Variants in COL5A1 observed in about 807,000 individuals in gnomAD.
The protein encoded by COL5A1 is collagen alpha-1(V) chain.
COL5A1 carries 16 observed loss-of-function variants against 263.7 expected under a neutral mutation model. The observed-to-expected ratio is 0.06, with a 90% CI of 0.04 to 0.09. COL5A1 has a LOEUF of 0.09. Among genes scored for constraint, COL5A1 ranks in the 10% least tolerant of loss-of-function variants. The pLI, the probability that COL5A1 is intolerant of heterozygous loss-of-function variation, is 1.00. For synonymous variants in COL5A1, 1,012 were observed against 1,004.5 expected (o/e 1.01, Z -0.14); for missense variants, 2,036 against 2,540.5 (o/e 0.80, Z 4.27).
intron 37 of COL5A1, 68 bp from the exon 38 acceptor site, chr9:134,801,886 A>C: frequency 1.4e-6 from 2 of 1,436,042 alleles, no homozygotes; most frequent in South Asian, 2.3e-5. Context: ...CGTCCTGCTG[A>C]GAACAGTGCA....
intron 37 of COL5A1, among the ~76,000 whole-genome samples, chr9:134,800,871 C>T (rs974707099): frequency 6.6e-6 from 1 of 152,204 alleles, no homozygotes; most frequent in South Asian, 2.1e-4. Context: ...GGCCTGAGGC[C>T]GCTCACCCTC....
intron 31 of COL5A1, among the ~76,000 whole-genome samples, chr9:134,786,741 T>G (rs1175527913): frequency 1.3e-5 from 2 of 152,238 alleles, no homozygotes; most frequent in African/African-American, 2.4e-5. Context: ...TCATGGTTCT[T>G]CCTTAAAGAA....
rs1285148631 is a variant in COL5A1, at chr9:134,755,671, T to G, written c.1828-1094T>G. Among the ~76,000 whole-genome samples, 8 of 152,266 alleles carry G rather than the reference T, an allele frequency of 5.3e-5. No homozygotes were observed. Among genetic ancestry groups the G allele is most frequent in the Non-Finnish European group, 1.2e-4 (8 of 68,046 alleles). On this transcript the variant is annotated intron_variant, in intron 16 of 65. Coordinates refer to ENST00000371817, the MANE Select transcript of COL5A1 (RefSeq NM_000093.5). This position sits in a 1 kb window ranked among gnomAD's most constrained non-coding sequence, Gnocchi z 4.1. ...AGTTTTCCGACAATCTTCCCTTGGTTTCTAAAAGTGTTTGGAAATCTAGAA... is the reference window on the plus strand; with the variant it reads ...AGTTTTCCGACAATCTTCCCTTGGTGTCTAAAAGTGTTTGGAAATCTAGAA...
chr9:134,649,466 G>A (rs778053179), intron 1 of COL5A1: 2 of 469,878 alleles, frequency 4.3e-6, no homozygotes, highest in South Asian at 3.1e-5. Context: ...CCCATGAAAT[G>A]GAAGCTTCCT....
At chr9:134,838,540 C>T (rs1839919998) in intron 65 of COL5A1, among the ~76,000 whole-genome samples, 1 of 152,170 alleles carries the variant, frequency 6.6e-6, no homozygotes, top group African/African-American at 2.4e-5. Context: ...TGGTTAGCCG[C>T]CCAGTGCTGC....
intron 44 of COL5A1, 113 bp downstream of exon 44, chr9:134,810,421 G>GAC (rs1368841712): frequency 1.9e-6 from 2 of 1,032,362 alleles, no homozygotes; most frequent in Non-Finnish European, 3.0e-6. Flanking sequence ...TGACTAGCGG[G>GAC]ACATGCTGTG....
chr9:134,733,440 C>G (rs1487782190), intron 9 of COL5A1, among the ~76,000 whole-genome samples: 1 of 152,212 alleles, frequency 6.6e-6, no homozygotes. Context: ...AGGCCCAACC[C>G]AGGGGTGGGA....
chr9:134,644,908 A>G (rs1831425993), intron 1 of COL5A1, among the ~76,000 whole-genome samples: 1 of 152,158 alleles, frequency 6.6e-6, no homozygotes, highest in South Asian at 2.1e-4. Context: ...GACAGGTATC[A>G]AATGGTTAAA....
At chr9:134,714,621 AGGTGGTGGTGGAGGTGAT>A (rs1478956220) in intron 4 of COL5A1, among the ~76,000 whole-genome samples, 11 of 112,334 alleles carry the variant, frequency 9.8e-5, no homozygotes, top group Admixed American at 3.6e-4. Flanking sequence ...ATGCTGATGA[AGGTGGTGGTGGAGGTGAT>A]GGTGGTGGTG....
Position 134,843,995 on chromosome 9 carries a change from G to C in COL5A1, c.*1692G>C, listed in dbSNP as rs1830175778. 6.6e-6 allele frequency: 1 copy of C among 152,296 alleles called. No homozygotes were observed. Among genetic ancestry groups the C allele is most frequent in the Admixed American group, 6.5e-5 (1 of 15,294 alleles). The allele number at this position is 152,296 out of a possible 1,614,324, so 9.4% of individuals were successfully genotyped here. On this transcript the variant is annotated 3_prime_UTR_variant, in exon 66 of 66. Coordinates refer to ENST00000371817, the MANE Select transcript of COL5A1 (RefSeq NM_000093.5). ...GCAGGAGGACCCGAGGGGCAGCCAG[G>C]AAAGGCGATCTCTTCACTGTGAAAA...
chr9:134,841,095 G>A lies in COL5A1; in HGVS notation c.5371-1062G>A, dbSNP rs1840009363. Among the ~76,000 whole-genome samples the A allele has an allele frequency of 6.6e-6, 1 of 152,174 alleles. No homozygotes were observed. The highest frequency in any genetic ancestry group is 1.5e-5 in the Non-Finnish European group (1 of 68,036). Reference sequence around the variant, plus strand: ...TGCCTCCCATCCGGGAGGGAACCCTGGCTGGCCCCTACTTGTTTATCTGAT... The same window carrying A: ...TGCCTCCCATCCGGGAGGGAACCCTAGCTGGCCCCTACTTGTTTATCTGAT... On this transcript the variant is annotated intron_variant, in intron 65 of 65. Transcript: ENST00000371817. The surrounding 1 kb of genome is among the most constrained non-coding windows in gnomAD (Gnocchi z 4.8).
chr9:134,844,329 G>A lies in COL5A1; in HGVS notation c.*2026G>A, dbSNP rs936556709. The A allele has an allele frequency of 4.6e-5, 7 of 152,436 alleles. No individual in the cohort carries two copies. Among genetic ancestry groups the A allele is most frequent in the South Asian group, 2.1e-4 (1 of 4,806 alleles). The allele number at this position is 152,436 out of a possible 1,614,324, so 9.4% of individuals were successfully genotyped here. A position where few individuals can be genotyped will look rare whatever the true frequency, so the allele number is the denominator to read the frequency against. On this transcript the variant is annotated 3_prime_UTR_variant, in exon 66 of 66. Transcript: ENST00000371817. ...TCTCTTCAAAAGAAAAGCCATAGCC[G>A]AGGACTGTCCCGCGACCCCCGTGGA...
chr9:134,753,799 T>G, intron 14 of COL5A1, 51 bp from the exon 15 acceptor site: 2 of 1,081,836 alleles, frequency 1.8e-6, no homozygotes, highest in Non-Finnish European at 2.7e-6. Flanking sequence ...CCTTCCTGTG[T>G]TCTCGAGTCC....
chr9:134,734,762 C>T (rs911452686), intron 9 of COL5A1, among the ~76,000 whole-genome samples: 1 of 152,332 alleles, frequency 6.6e-6, no homozygotes, highest in South Asian at 2.1e-4. Context: ...CTGATTTTAC[C>T]TGGGCCACAT....
intron 4 of COL5A1, among the ~76,000 whole-genome samples, chr9:134,725,189 C>T (rs1034492091): frequency 5.3e-5 from 8 of 152,200 alleles, no homozygotes; most frequent in East Asian, 1.9e-4. Flanking sequence ...TGTGGTGGGG[C>T]GTGTAGTGGT....
intron 50 of COL5A1, 64 bp downstream of exon 50, chr9:134,814,968 T>C: frequency 8.6e-7 from 1 of 1,156,868 alleles, no homozygotes. Context: ...CTGGGATCAT[T>C]CTGACTCACT....
chr9:134,798,400 T>C lies in COL5A1; in HGVS notation c.2899-8T>C, dbSNP rs771238908. 6.2e-7 allele frequency: 1 copy of C among 1,614,108 alleles called. No homozygotes were observed. Among genetic ancestry groups the C allele is most frequent in the East Asian group, 2.2e-5 (1 of 44,880 alleles). The stretch of plus-strand genomic sequence containing the variant: ...AATGAACCTCCTTTCCTTTGGTTTT[T>C]TCTTCAGGGCCCTCCAGGCAAGGAT... On this transcript the variant is annotated splice_region_variant and splice_polypyrimidine_tract_variant and intron_variant, in intron 36 of 65. Transcript: ENST00000371817.
intron 4 of COL5A1, among the ~76,000 whole-genome samples, chr9:134,713,760 G>A (rs1834151486): frequency 6.6e-6 from 1 of 152,184 alleles, no homozygotes; most frequent in Non-Finnish European, 1.5e-5. Context: ...TAGGGACAGA[G>A]GGCAGGGTGA....
At position 134,793,831 on chromosome 9, in the gene COL5A1, A is replaced by G. The variant is rs567468302; in HGVS notation, c.2701-1251A>G. Among the ~76,000 whole-genome samples, 4 of 152,350 alleles carry G rather than the reference A, an allele frequency of 2.6e-5. No individual in the cohort carries two copies. The East Asian group carries it at 7.7e-4, about 29-fold the overall frequency. ...GAAGCCAGAGGATATCACCATAGTA[A>G]TTGAAGAACTGGAACCGGAGCGCAT... is the stretch of plus-strand genomic sequence containing the variant. On this transcript the variant is annotated intron_variant, in intron 32 of 65. Transcript: ENST00000371817.
Sources: gnomAD v4.1 joint callset for allele counts (sites outside exome capture counted in the v4.1 genomes callset) on GRCh38, gnomAD v4.1.1 for gene constraint, Gnocchi (gnomAD v3.1) non-coding constraint, MANE v1.5 for transcripts, NCBI Gene and HGNC (gene_info 2026-07-23, HGNC 2026-07-21) for gene names.